MSH3: variants seen among roughly 807,000 people sequenced by gnomAD.
The protein encoded by MSH3 is DNA mismatch repair protein Msh3.
A neutral mutation model predicts 123.3 loss-of-function variants in MSH3; 106 were observed. The observed-to-expected ratio is 0.86, with a 90% CI of 0.73 to 1.01. MSH3 has a LOEUF of 1.01. Among genes scored for constraint, MSH3 ranks in the 50% least tolerant of loss-of-function variants. The pLI, the probability that MSH3 is intolerant of heterozygous loss-of-function variation, is 0.00. For synonymous variants in MSH3, 515 were observed against 481.4 expected, an observed-to-expected ratio of 1.07 and a Z score of -0.91; for missense variants, 1,459 against 1,347.6, an observed-to-expected ratio of 1.08 and a Z score of -1.29.
intron 8 of MSH3, among the ~76,000 whole-genome samples, chr5:80,684,307 G>C (rs1485589806): frequency 3.3e-5 from 5 of 152,054 alleles, no homozygotes; most frequent in African/African-American, 1.2e-4. Flanking sequence ...TCCAATTCAT[G>C]AACATGTAAT....
At chr5:80,857,651 C>T (rs1745941461) in intron 21 of MSH3, among the ~76,000 whole-genome samples, 1 of 152,126 alleles carries the variant, frequency 6.6e-6, no homozygotes, top group Admixed American at 6.5e-5. Flanking sequence ...AAGAAATTTT[C>T]ACCAAGGTTA....
In MSH3 at chr5:80,735,917, C is replaced by T. The variant is rs189815519; in HGVS notation, c.1569-5547C>T. ...TGTATACATGCCAGAAAATCATGGTCACAGATTAAATAAAAATGACAATCT... is the reference window on the plus strand; with the variant it reads ...TGTATACATGCCAGAAAATCATGGTTACAGATTAAATAAAAATGACAATCT... On this transcript the variant is annotated intron_variant, in intron 10 of 23. Coordinates refer to ENST00000265081, the MANE Select transcript of MSH3 (RefSeq NM_002439.5). Among the ~76,000 whole-genome samples the T allele has an allele frequency of 1.4e-4, 21 of 152,120 alleles. No homozygotes were observed. In the East Asian group the frequency reaches 4.1e-3, roughly 29 times the overall value.
In MSH3 at chr5:80,761,502, A is replaced by C. The variant is rs373199521; in HGVS notation, c.1764-44A>C. 9.4e-5 allele frequency: 151 copies of C among 1,611,394 alleles called. No homozygotes were observed. The highest frequency in any genetic ancestry group is 1.2e-4 in the Non-Finnish European group (145 of 1,177,760). ...TAGAGTGGGAAATGTCTATATTCTG[A>C]ATTCCTAACATATCTGATTATTGCT... is the stretch of plus-strand genomic sequence containing the variant. On this transcript the variant is annotated intron_variant, in intron 12 of 23. Coordinates refer to ENST00000265081, the MANE Select transcript of MSH3 (RefSeq NM_002439.5).
intron 8 of MSH3, among the ~76,000 whole-genome samples, chr5:80,722,330 A>C (rs892013339): frequency 6.6e-6 from 1 of 152,178 alleles, no homozygotes; most frequent in Admixed American, 6.5e-5. Context: ...AATATTGAGA[A>C]ACTTTCTAAA....
At position 80,819,386 on chromosome 5, in the gene MSH3, A is replaced by G. The variant is rs62368288; in HGVS notation, c.2813+5645A>G. Reference sequence around the variant, plus strand: ...TATGTGTGTATATATATGTGTATATATGTATATATGTGTATATATGTGTGT... The same window carrying G: ...TATGTGTGTATATATATGTGTATATGTGTATATATGTGTATATATGTGTGT... On this transcript the variant is annotated intron_variant, in intron 20 of 23. Transcript: ENST00000265081. 6.1e-4 allele frequency among the ~76,000 whole-genome samples: 38 copies of G among 62,364 alleles called. No homozygotes were observed. The East Asian group carries it at 0.013, about 21-fold the overall frequency. 40.9% of individuals were successfully genotyped at this position (62,364 alleles called of 152,430 possible).
chr5:80,864,735 A>G (rs6151918), intron 21 of MSH3, 78 bp from the exon 22 acceptor site: 42 of 1,374,248 alleles, frequency 3.1e-5, no homozygotes, highest in Non-Finnish European at 4.1e-5. Context: ...AAAATTTTTC[A>G]AAAGAAAGTG....
chr5:80,656,581 TG>T (rs1561430883), intron 2 of MSH3, 50 bp downstream of exon 2: 1 of 1,612,084 alleles, frequency 6.2e-7, no homozygotes. Flanking sequence ...TCTGGTATTC[TG>T]GAATTCTCCA....
intron 20 of MSH3, among the ~76,000 whole-genome samples, chr5:80,853,624 A>G (rs549533035): frequency 1.3e-5 from 2 of 152,340 alleles, no homozygotes; most frequent in African/African-American, 4.8e-5. Context: ...GCTGCTGTCC[A>G]AGGTATCAAA....
intron 2 of MSH3, among the ~76,000 whole-genome samples, chr5:80,664,555 A>T (rs1012939114): frequency 3.9e-5 from 6 of 152,158 alleles, no homozygotes; most frequent in African/African-American, 1.4e-4. Flanking sequence ...AGAAATCTCC[A>T]GTTGGCTGCT....
chr5:80,769,084 G>A (rs750215951), intron 15 of MSH3, 81 bp downstream of exon 15: 5 of 1,249,864 alleles, frequency 4.0e-6, no homozygotes, highest in Admixed American at 1.8e-5. Context: ...GAAATCTGAG[G>A]ATAGGATATG....
chr5:80,765,215 T>C lies in MSH3; in HGVS notation c.1897-2718T>C, dbSNP rs550941806. On this transcript the variant is annotated intron_variant, in intron 13 of 23. Transcript: ENST00000265081. ...CTTAACTTTACATTGTGTCTCAGCT[T>C]GGAAAATTAATCATTTTCTTGGGAT... Among the ~76,000 whole-genome samples, 3 of 152,366 alleles carry C rather than the reference T, an allele frequency of 2.0e-5. No individual in the cohort carries two copies. In the South Asian group the frequency reaches 6.2e-4, roughly 32 times the overall value.
rs1561469107 is a variant in MSH3 at position 80,761,636 on chromosome 5, GC to G, written c.1857del (p.Asp620ThrfsTer2). The stretch of plus-strand genomic sequence containing the variant: ...AGATAGAAAATCATCTACGTAAATT[GC>G]CCGACATAGAGAGGGGACTCTGTAG... Reference protein sequence around the residue: ...GQIENHLRKLPDIERGLCSIY... With the variant: ...GQIENHLRKLXDIERGLCSIY... On this transcript the variant is annotated frameshift_variant, in exon 13 of 24. Coordinates refer to ENST00000265081, the MANE Select transcript of MSH3 (RefSeq NM_002439.5). LOFTEE classifies it high-confidence loss of function. 6.2e-7 allele frequency: 1 copy of G among 1,614,010 alleles called. No homozygotes were observed. The highest frequency in any genetic ancestry group is 8.5e-7 in the Non-Finnish European group (1 of 1,179,980).
At chr5:80,795,760 A>T (rs1402860058) in intron 19 of MSH3, among the ~76,000 whole-genome samples, 1 of 152,218 alleles carries the variant, frequency 6.6e-6, no homozygotes, top group Non-Finnish European at 1.5e-5. Flanking sequence ...TAAAAAGAAG[A>T]CTATGTCTTT....
At chr5:80,727,967 C>G (rs1192776781) in intron 9 of MSH3, among the ~76,000 whole-genome samples, 1 of 152,056 alleles carries the variant, frequency 6.6e-6, no homozygotes, top group Non-Finnish European at 1.5e-5. Context: ...GCAGAGACAA[C>G]AGTAAGTACA....
chr5:80,661,525 C>G (rs1424630493), intron 2 of MSH3, among the ~76,000 whole-genome samples: 2 of 152,094 alleles, frequency 1.3e-5, no homozygotes, highest in Admixed American at 1.3e-4. Context: ...TTCCAGTTCT[C>G]TATATGAATT....
rs142966770 is a variant in MSH3, at chr5:80,709,783, TG to T, written c.1341-15669del. On this transcript the variant is annotated intron_variant, in intron 8 of 23. Transcript: ENST00000265081. The stretch of plus-strand genomic sequence containing the variant: ...AGGAACTTCTTTTCTTCTTGTATTT[TG>T]TGAAATGAAATGCTTTTAAAGGCAT... 9.7e-3 allele frequency among the ~76,000 whole-genome samples: 1,483 copies of T among 152,348 alleles called. 26 individuals are homozygous for T. The highest frequency in any genetic ancestry group is 0.034 in the African/African-American group (1,414 of 41,586).
intron 8 of MSH3, among the ~76,000 whole-genome samples, chr5:80,679,796 C>A (rs529968172): frequency 6.6e-6 from 1 of 152,150 alleles, no homozygotes; most frequent in Non-Finnish European, 1.5e-5. Context: ...AAGTGCTAAA[C>A]GTGAAGGTGC....
In MSH3 at chr5:80,679,063, A is replaced by G. The variant is rs1467599861; in HGVS notation, c.1310A>G (p.Glu437Gly). Reference protein sequence around the residue: ...LLPSALSEQTEALIHRATSVS... With the variant: ...LLPSALSEQTGALIHRATSVS... The stretch of plus-strand genomic sequence containing the variant: ...CCTTCGGCCTTGTCCGAGCAAACAG[A>G]GGCGCTCATCCACAGAGCCACATCT... The change falls in exon 8 of 24, where the codon GAG becomes GGG. Residue 437 changes from glutamate to glycine, a missense_variant. Transcript: ENST00000265081. The G allele has an allele frequency of 4.3e-6, 7 of 1,613,966 alleles. No individual in the cohort carries two copies. The highest frequency in any genetic ancestry group is 5.9e-6 in the Non-Finnish European group (7 of 1,180,004).
intron 19 of MSH3, among the ~76,000 whole-genome samples, chr5:80,793,432 G>A (rs994024203): frequency 6.6e-6 from 1 of 152,174 alleles, no homozygotes. Flanking sequence ...AGAGAAGATA[G>A]GCTAGTGCAA....
Sources: allele counts gnomAD v4.1 joint callset (sites outside exome capture counted in the v4.1 genomes callset), GRCh38; gene constraint gnomAD v4.1.1; transcripts MANE v1.5; gene names NCBI Gene and HGNC (gene_info 2026-07-23, HGNC 2026-07-21).